The following C8orf34 variants were observed in gnomAD, a reference collection of about 807,000 sequenced individuals.
C8orf34 encodes the protein chromosome 8 open reading frame 34, also known as uncharacterized protein C8orf34.
In C8orf34, 65 loss-of-function variants were observed where a neutral mutation model predicts 68.3. The ratio of observed to expected loss-of-function variants is 0.95; its 90% CI spans 0.78 to 1.17. The LOEUF is 1.17. Among genes scored for constraint, C8orf34 ranks in the 50% most tolerant of loss-of-function variants. The pLI, the probability that C8orf34 is intolerant of heterozygous loss-of-function variation, is 0.00. For synonymous variants in C8orf34, 244 were observed against 241.2 expected, an observed-to-expected ratio of 1.01 and a Z score of -0.11; for missense variants, 664 against 655.4, an observed-to-expected ratio of 1.01 and a Z score of -0.14.
At chr8:68,733,794 CCA>C (rs1439002342) in intron 10 of C8orf34, among the ~76,000 whole-genome samples, 10 of 152,060 alleles carry the variant, frequency 6.6e-5, no homozygotes, top group Admixed American at 4.6e-4. Flanking sequence ...ATCTTAACTT[CCA>C]GTTATTTTGT....
upstream of C8orf34, chr8:68,330,886 C>T (rs1805542365): frequency 2.5e-6 from 2 of 786,556 alleles, no homozygotes; most frequent in Non-Finnish European, 3.7e-6. Context: ...CGACACAGCT[C>T]GCCTCCCGCC....
chr8:68,764,912 T>TATC (rs1402673217), intron 10 of C8orf34, among the ~76,000 whole-genome samples: 1 of 152,242 alleles, frequency 6.6e-6, no homozygotes, highest in Non-Finnish European at 1.5e-5. Flanking sequence ...GATAATTTCC[T>TATC]ATCACTGAAA....
intron 9 of C8orf34, among the ~76,000 whole-genome samples, chr8:68,720,068 G>C (rs1821626807): frequency 6.6e-6 from 1 of 151,760 alleles, no homozygotes; most frequent in African/African-American, 2.4e-5. Context: ...TTTGCATTTG[G>C]TATAATTCTC....
At chr8:68,614,780 T>C (rs1818144354) in intron 7 of C8orf34, among the ~76,000 whole-genome samples, 1 of 152,214 alleles carries the variant, frequency 6.6e-6, no homozygotes, top group South Asian at 2.1e-4. Flanking sequence ...GGGCTCTTTT[T>C]TGGTTCCACA....
intron 7 of C8orf34, among the ~76,000 whole-genome samples, chr8:68,587,312 A>G (rs561800818): frequency 3.9e-5 from 6 of 152,278 alleles, no homozygotes; most frequent in African/African-American, 1.4e-4. Context: ...CTGAACAGAT[A>G]ATCTATAAGT....
At chr8:68,648,056 A>G (rs1030817662) in intron 8 of C8orf34, among the ~76,000 whole-genome samples, 1 of 152,212 alleles carries the variant, frequency 6.6e-6, no homozygotes. Flanking sequence ...AGCATTGACT[A>G]TGTAGGATAT....
intron 2 of C8orf34, among the ~76,000 whole-genome samples, chr8:68,440,278 A>G (rs915642407): frequency 6.6e-6 from 1 of 152,166 alleles, no homozygotes; most frequent in Non-Finnish European, 1.5e-5. Flanking sequence ...CCTCATGCCC[A>G]TTGCTTGGGT....
chr8:68,419,957 A>G (rs1008317180), intron 1 of C8orf34, among the ~76,000 whole-genome samples: 1 of 150,622 alleles, frequency 6.6e-6, no homozygotes, highest in East Asian at 2.0e-4. Context: ...GTGCACATGT[A>G]CCCTAAAACT....
chr8:68,485,442 A>C (rs1287824529), intron 4 of C8orf34, among the ~76,000 whole-genome samples: 2 of 152,106 alleles, frequency 1.3e-5, no homozygotes, highest in African/African-American at 2.4e-5. Flanking sequence ...GGCCAGGTGC[A>C]GTGACTCACC....
chr8:68,813,601 T>C (rs376893170), intron 12 of C8orf34, among the ~76,000 whole-genome samples: 78 of 152,274 alleles, frequency 5.1e-4, no homozygotes, highest in Admixed American at 9.2e-4. Context: ...CTGGAAAACA[T>C]TGGGTCCCTG....
chr8:68,776,178 A>T (rs1251989823), intron 10 of C8orf34, among the ~76,000 whole-genome samples: 1 of 152,242 alleles, frequency 6.6e-6, no homozygotes, highest in Non-Finnish European at 1.5e-5. Context: ...AATATATTTT[A>T]AAAATCCACT....
chr8:68,573,497 T>A (rs114671319), intron 7 of C8orf34, among the ~76,000 whole-genome samples: 7 of 152,184 alleles, frequency 4.6e-5, no homozygotes, highest in African/African-American at 1.7e-4. Flanking sequence ...TCCCAATGGA[T>A]CTGCAGATGC....
intron 8 of C8orf34, among the ~76,000 whole-genome samples, chr8:68,690,887 A>T (rs771681880): frequency 2.8e-4 from 42 of 152,034 alleles, no homozygotes; most frequent in African/African-American, 1.0e-3. Context: ...TAACTTAACA[A>T]GGCCTGTTTG....
intron 4 of C8orf34, among the ~76,000 whole-genome samples, chr8:68,478,441 A>G (rs542056390): frequency 1.1e-4 from 16 of 152,198 alleles, no homozygotes; most frequent in African/African-American, 2.2e-4. Context: ...ACATCTTCCT[A>G]TCTTCTTCTG....
At chr8:68,674,328 GGAGA>G (rs531970076) in intron 8 of C8orf34, among the ~76,000 whole-genome samples, 12 of 151,962 alleles carry the variant, frequency 7.9e-5, no homozygotes, top group Admixed American at 7.9e-4. Flanking sequence ...GAGCAATCTT[GGAGA>G]GAGAGAGAGA....
At chr8:68,777,103 C>G (rs891002942) in intron 11 of C8orf34, among the ~76,000 whole-genome samples, 3 of 152,190 alleles carry the variant, frequency 2.0e-5, no homozygotes, top group African/African-American at 7.2e-5. Flanking sequence ...CTGTCTAAAT[C>G]CACTGCAGGT....
intron 11 of C8orf34, among the ~76,000 whole-genome samples, 164 bp downstream of exon 11, chr8:68,776,613 G>A (rs1478790043): frequency 6.6e-6 from 1 of 152,172 alleles, no homozygotes; most frequent in Non-Finnish European, 1.5e-5. Context: ...TAGCAAGACA[G>A]GTTTTGGTCC....
intron 1 of C8orf34, among the ~76,000 whole-genome samples, chr8:68,396,572 G>A (rs780191087): frequency 3.6e-4 from 55 of 151,616 alleles, no homozygotes; most frequent in Non-Finnish European, 6.8e-4. Context: ...CTCCTGTTAC[G>A]ATTTGACCCC....
chr8:68,382,758 TCTC>T (rs1331847004), intron 1 of C8orf34, among the ~76,000 whole-genome samples: 2 of 152,206 alleles, frequency 1.3e-5, no homozygotes, highest in African/African-American at 2.4e-5. Context: ...CAGTCCTAGA[TCTC>T]CTCTTTTTTT....
Sources: allele counts gnomAD v4.1 joint callset (sites outside exome capture counted in the v4.1 genomes callset), GRCh38; gene constraint gnomAD v4.1.1; transcripts MANE v1.5; gene names NCBI Gene and HGNC (gene_info 2026-07-23, HGNC 2026-07-21).